The following CHD1 variants were observed in gnomAD, a reference collection of about 807,000 sequenced individuals.
CHD1 encodes chromodomain helicase DNA binding protein 1.
Under a neutral mutation model 224.2 loss-of-function variants are expected in CHD1, and 36 were observed. The ratio of observed to expected loss-of-function variants is 0.16; its 90% CI spans 0.12 to 0.21. The LOEUF (loss-of-function observed/expected upper bound fraction) is 0.21. Ranked by LOEUF, CHD1 falls within the 10% of genes least tolerant of loss-of-function variation. The probability of loss-of-function intolerance (pLI) is 1.00; values close to 1 mark genes in which losing one functional copy is unlikely to be tolerated. For missense variants in CHD1, 1,378 were observed against 1,994.8 expected (o/e 0.69, Z 5.89); for synonymous variants, 668 against 658.3 (o/e 1.01, Z -0.23).
intron 2 of CHD1, among the ~76,000 whole-genome samples, chr5:98,909,014 C>CATGAA (rs150251083): frequency 0.053 from 8,021 of 152,142 alleles, 607 homozygotes; most frequent in African/African-American, 0.17. Context: ...GATGAATTAT[C>CATGAA]ATGAATCTAT....
intron 32 of CHD1, chr5:98,860,364 A>C (rs1318277848): frequency 2.9e-6 from 1 of 342,308 alleles, no homozygotes; most frequent in Admixed American, 4.6e-5. Flanking sequence ...CATAAATTAA[A>C]TCAGGAAGTG....
chr5:98,883,301 T>C lies in CHD1; in HGVS notation c.2569-64A>G, dbSNP rs569903329. ...ATTGATTTTCTGAACGTAAGCAGTATGGTACTAATTAAACAGAAAGGCAGT... is the reference window on the plus strand; with the variant it reads ...ATTGATTTTCTGAACGTAAGCAGTACGGTACTAATTAAACAGAAAGGCAGT... On this transcript the variant is annotated intron_variant, in intron 18 of 35. Transcript: ENST00000614616. 125 of 1,090,846 alleles carry C rather than the reference T, an allele frequency of 1.1e-4. 3 individuals are homozygous for C. In the South Asian group the frequency reaches 1.8e-3, roughly 16 times the overall value. 67.6% of individuals were successfully genotyped at this position (1,090,846 alleles called of 1,614,324 possible). A position where few individuals can be genotyped will look rare whatever the true frequency, so the allele number is the denominator to read the frequency against.
rs1750940477 is a variant in CHD1 at position 98,890,469 on chromosome 5, TAAG to T, written c.2181-1234_2181-1232del. Among the ~76,000 whole-genome samples the T allele has an allele frequency of 2.0e-5, 3 of 152,180 alleles. 1 individual carries two copies. The South Asian group carries it at 6.2e-4, about 32-fold the overall frequency. On this transcript the variant is annotated intron_variant, in intron 15 of 35. Transcript: ENST00000614616. ...TTAATTTCTCTAGAGGTAAAAATTC[TAAG>T]AATTTTTCCAGAAATTTATGGCAGT...
chr5:98,858,856 A>C, intron 34 of CHD1, 108 bp downstream of exon 34: 1 of 610,338 alleles, frequency 1.6e-6, no homozygotes, highest in Non-Finnish European at 2.7e-6. Flanking sequence ...AAAGGTACTT[A>C]TAAATAAAAA....
At chr5:98,858,574 G>T in intron 34 of CHD1, 184 bp from the exon 35 acceptor site, 1 of 537,374 alleles carries the variant, frequency 1.9e-6, no homozygotes, top group Non-Finnish European at 3.3e-6. Context: ...AAAAAAGGTT[G>T]CTTGATTCTG....
At chr5:98,863,934 T>C (rs1748662887) in intron 31 of CHD1, among the ~76,000 whole-genome samples, 2 of 152,154 alleles carry the variant, frequency 1.3e-5, no homozygotes, top group South Asian at 4.1e-4. Context: ...TATTTCAGAG[T>C]ATAACTTAAT....
At chr5:98,911,146 A>AAAAAATAT (rs1491111295) in intron 2 of CHD1, among the ~76,000 whole-genome samples, 8 of 39,130 alleles carry the variant, frequency 2.0e-4, no homozygotes, top group Non-Finnish European at 3.1e-4. Context: ...AAAAAAAAAA[A>AAAAAATAT]ATATATATAT....
intron 2 of CHD1, among the ~76,000 whole-genome samples, chr5:98,918,508 A>G (rs989762005): frequency 1.6e-4 from 24 of 150,386 alleles, no homozygotes; most frequent in African/African-American, 5.9e-4. Context: ...GGGAGCTCAC[A>G]CCTGTAATCC....
At chr5:98,927,707 C>T (rs1753568553) in intron 1 of CHD1, among the ~76,000 whole-genome samples, 3 of 152,114 alleles carry the variant, frequency 2.0e-5, no homozygotes. Flanking sequence ...AACAAACTGC[C>T]TTTCCCGTTT....
At chr5:98,892,114 A>G (rs1751058911) in intron 15 of CHD1, among the ~76,000 whole-genome samples, 1 of 152,192 alleles carries the variant, frequency 6.6e-6, no homozygotes, top group Non-Finnish European at 1.5e-5. Flanking sequence ...TTGACATACA[A>G]AATTTATACC....
At position 98,928,051 on chromosome 5, in the gene CHD1, A is replaced by C. The variant is rs542506089; in HGVS notation, c.-149+488T>G. 5.5e-4 allele frequency among the ~76,000 whole-genome samples: 83 copies of C among 152,190 alleles called. No homozygotes were observed. In the South Asian group the frequency reaches 0.017, roughly 31 times the overall value. On this transcript the variant is annotated intron_variant, in intron 1 of 35. Coordinates refer to ENST00000614616, the MANE Select transcript of CHD1 (RefSeq NM_001270.4). ...CTCACTCATCCATCCAGCGCGCTCC[A>C]ATCAGCCTCCCTCGCGGACCTGCCC...
At chr5:98,872,682 A>G (rs1388070870) in intron 26 of CHD1, 127 bp from the exon 27 acceptor site, 7 of 806,970 alleles carry the variant, frequency 8.7e-6, no homozygotes, top group Non-Finnish European at 1.4e-5. Flanking sequence ...TTATTAAGAG[A>G]TTACTGGAAA....
intron 5 of CHD1, 124 bp from the exon 6 acceptor site, chr5:98,901,459 G>T: frequency 1.5e-6 from 1 of 683,454 alleles, no homozygotes; most frequent in Non-Finnish European, 2.3e-6. Flanking sequence ...TTTTACTCAT[G>T]CTAAAAATGA....
chr5:98,902,636 A>G (rs1751794294), intron 5 of CHD1, among the ~76,000 whole-genome samples: 1 of 152,108 alleles, frequency 6.6e-6, no homozygotes, highest in African/African-American at 2.4e-5. Flanking sequence ...TGATATTACA[A>G]CTAGGGAGAT....
chr5:98,904,967 G>T lies in CHD1; in HGVS notation c.185C>A (p.Ser62Ter). The change falls in exon 3 of 36, where the codon TCA becomes TAA. Residue 62 changes from serine to a stop codon, truncating the protein, a stop_gained. Coordinates refer to ENST00000614616, the MANE Select transcript of CHD1 (RefSeq NM_001270.4). LOFTEE classifies it high-confidence loss of function. ...TCGGGAAGTGTCTGACTCAGACTCTGACTGACTGCCTGATTCAGATCCGGA... is the reference window on the plus strand; with the variant it reads ...TCGGGAAGTGTCTGACTCAGACTCTTACTGACTGCCTGATTCAGATCCGGA... ...SDSGSESGSQ[S>*]ESESDTSREN... 1 of 1,608,974 alleles carries T rather than the reference G, an allele frequency of 6.2e-7. No homozygotes were observed.
intron 2 of CHD1, among the ~76,000 whole-genome samples, chr5:98,910,412 G>A (rs1417763412): frequency 6.6e-6 from 1 of 152,068 alleles, no homozygotes; most frequent in African/African-American, 2.4e-5. Context: ...ATTTATCTCT[G>A]TGTGACCACC....
At chr5:98,926,902 G>A (rs1753497234) in intron 1 of CHD1, among the ~76,000 whole-genome samples, 1 of 117,768 alleles carries the variant, frequency 8.5e-6, no homozygotes, top group Non-Finnish European at 1.7e-5. Flanking sequence ...TAGATAACTT[G>A]GTCGAATAAA....
At chr5:98,917,220 A>G (rs932978390) in intron 2 of CHD1, among the ~76,000 whole-genome samples, 1 of 148,382 alleles carries the variant, frequency 6.7e-6, no homozygotes, top group Non-Finnish European at 1.5e-5. Flanking sequence ...CACCAAAGTC[A>G]CATCACCAGG....
At position 98,872,466 on chromosome 5, in the gene CHD1, A is replaced by G. The variant is rs763336195; in HGVS notation, c.3661T>C (p.Leu1221=). The G allele has an allele frequency of 7.4e-6, 12 of 1,613,484 alleles. No individual in the cohort carries two copies. The highest frequency in any genetic ancestry group is 1.0e-5 in the Non-Finnish European group (12 of 1,179,608). Residue 1221 remains leucine (L), a synonymous_variant, in exon 27 of 36, where the codon TTA becomes CTA. Coordinates refer to ENST00000614616, the MANE Select transcript of CHD1 (RefSeq NM_001270.4). The stretch of plus-strand genomic sequence containing the variant: ...GGAATGGATTTGTGCAAAGGTATTA[A>G]TTCTTCTTCATGGGAGATGACTAGT... The part of the protein sequence containing the change: ...AKLVISHEEE[L]IPLHKSIPSD...
Sources: gnomAD v4.1 joint callset for allele counts (sites outside exome capture counted in the v4.1 genomes callset) on GRCh38, gnomAD v4.1.1 for gene constraint, MANE v1.5 for transcripts, NCBI Gene and HGNC (gene_info 2026-07-23, HGNC 2026-07-21) for gene names.